Variants in TMTC2 observed in about 807,000 individuals in gnomAD.
The protein encoded by TMTC2 is transmembrane O-mannosyltransferase targeting cadherins 2, also known as protein O-mannosyl-transferase TMTC2.
In TMTC2, 43 loss-of-function variants were observed where a neutral mutation model predicts 82.4. The observed-to-expected ratio is 0.52, with a 90% CI of 0.41 to 0.67. TMTC2 has a LOEUF of 0.67. TMTC2 is among the 30% of genes least tolerant of loss of function. The pLI, the probability that TMTC2 is intolerant of heterozygous loss-of-function variation, is 0.00. For synonymous variants in TMTC2, 408 were observed against 381.9 expected (o/e 1.07, Z -0.80); for missense variants, 919 against 1,012.4 (o/e 0.91, Z 1.25).
At chr12:82,839,988 A>C (rs1465571394) in intron 1 of TMTC2, among the ~76,000 whole-genome samples, 1 of 152,102 alleles carries the variant, frequency 6.6e-6, no homozygotes, top group African/African-American at 2.4e-5. Context: ...GGGAGAGAGG[A>C]GCAAAGTCCT....
At chr12:82,952,743 G>C (rs138255616) in intron 4 of TMTC2, among the ~76,000 whole-genome samples, 20 of 152,016 alleles carry the variant, frequency 1.3e-4, no homozygotes, top group African/African-American at 4.8e-4. Context: ...TTGTTTGTTT[G>C]TTTGTTTTTA....
At chr12:82,840,329 AGT>A (rs142650542) in intron 1 of TMTC2, among the ~76,000 whole-genome samples, 3 of 152,356 alleles carry the variant, frequency 2.0e-5, no homozygotes, top group Non-Finnish European at 2.9e-5. Flanking sequence ...TGTTTAACAC[AGT>A]GTGGATTTGG....
chr12:82,766,180 T>G (rs1202922124), intron 1 of TMTC2, among the ~76,000 whole-genome samples: 2 of 152,228 alleles, frequency 1.3e-5, no homozygotes, highest in African/African-American at 2.4e-5. Flanking sequence ...ATGTTCAATA[T>G]CACCTCAGGG....
At chr12:82,942,092 G>A (rs118054359) in intron 4 of TMTC2, among the ~76,000 whole-genome samples, 2,634 of 152,246 alleles carry the variant, frequency 0.017, 53 homozygotes, top group Admixed American at 0.062. Flanking sequence ...AAAGGATTAA[G>A]TTCTCTTTTC....
intron 1 of TMTC2, among the ~76,000 whole-genome samples, chr12:82,761,559 A>T (rs1876633617): frequency 6.6e-6 from 1 of 152,140 alleles, no homozygotes; most frequent in Non-Finnish European, 1.5e-5. Flanking sequence ...GTGCACACAA[A>T]ACTCACATTT....
At position 82,857,541 on chromosome 12, in the gene TMTC2, C is replaced by G; in HGVS notation, c.615C>G (p.His205Gln). Residue 205 changes from histidine to glutamine, a missense_variant, in exon 2 of 12, where the codon CAC (histidine) becomes CAG (glutamine). Physicochemically the swap from His to Gln is conservative, Grantham distance 24. Coordinates refer to ENST00000321196, the MANE Select transcript of TMTC2 (RefSeq NM_152588.3). Reference sequence around the variant, plus strand: ...CAGTTTATGATGTCTTTGTCTTTCACAGGCTGAAAATAAAACAGATATTAC... The same window carrying G: ...CAGTTTATGATGTCTTTGTCTTTCAGAGGCTGAAAATAAAACAGATATTAC... ...VSAVYDVFVF[H>Q]RLKIKQILPT... The G allele has an allele frequency of 6.2e-7, 1 of 1,612,712 alleles. No individual in the cohort carries two copies. Among genetic ancestry groups the G allele is most frequent in the Non-Finnish European group, 8.5e-7 (1 of 1,179,550 alleles).
At chr12:82,845,252 A>AAATATATAT (rs1555190264) in intron 1 of TMTC2, among the ~76,000 whole-genome samples, 1 of 38,806 alleles carries the variant, frequency 2.6e-5, no homozygotes, top group African/African-American at 1.0e-4. Context: ...AAAAAAAAAA[A>AAATATATAT]ATATATATAT....
chr12:82,794,100 G>A (rs1419736160), intron 1 of TMTC2, among the ~76,000 whole-genome samples: 1 of 152,082 alleles, frequency 6.6e-6, no homozygotes, highest in Non-Finnish European at 1.5e-5. Context: ...ATTTGCCCAG[G>A]CTCTGTTGAT....
intron 8 of TMTC2, among the ~76,000 whole-genome samples, chr12:83,005,453 C>T (rs554136421): frequency 1.3e-5 from 2 of 152,028 alleles, no homozygotes; most frequent in Non-Finnish European, 2.9e-5. Flanking sequence ...AAGAGATGAC[C>T]CCCTTATCAT....
At chr12:83,077,124 A>AT (rs1199368390) in intron 11 of TMTC2, among the ~76,000 whole-genome samples, 1 of 152,176 alleles carries the variant, frequency 6.6e-6, no homozygotes, top group Non-Finnish European at 1.5e-5. Flanking sequence ...TTTATAGTGA[A>AT]AGAGTTCAGA....
chr12:82,823,211 C>T (rs7962683), intron 1 of TMTC2, among the ~76,000 whole-genome samples: 5,589 of 152,160 alleles, frequency 0.037, 325 homozygotes, highest in African/African-American at 0.13. Context: ...CTTTCTAAAA[C>T]GTATTCCATA....
At chr12:83,028,721 A>G (rs557344407) in intron 8 of TMTC2, among the ~76,000 whole-genome samples, 1 of 152,244 alleles carries the variant, frequency 6.6e-6, no homozygotes. Context: ...CTGCTTCCCT[A>G]GAATCTGTAC....
At chr12:82,828,042 G>C (rs550079577) in intron 1 of TMTC2, among the ~76,000 whole-genome samples, 20 of 150,686 alleles carry the variant, frequency 1.3e-4, no homozygotes, top group Middle Eastern at 3.4e-3. Flanking sequence ...ACAGGCATGC[G>C]CCACCATGCC....
intron 1 of TMTC2, among the ~76,000 whole-genome samples, chr12:82,793,307 A>G (rs949815980): frequency 6.6e-6 from 1 of 150,952 alleles, no homozygotes; most frequent in African/African-American, 2.4e-5. Context: ...TTTCATTTAC[A>G]TGTCCCATTT....
At chr12:83,018,219 T>G (rs1880765162) in intron 8 of TMTC2, among the ~76,000 whole-genome samples, 1 of 152,196 alleles carries the variant, frequency 6.6e-6, no homozygotes, top group African/African-American at 2.4e-5. Flanking sequence ...TTTCTAGCTC[T>G]CCTTTGTGAC....
intron 7 of TMTC2, among the ~76,000 whole-genome samples, chr12:82,975,662 G>A (rs1878633613): frequency 6.6e-6 from 1 of 152,020 alleles, no homozygotes; most frequent in African/African-American, 2.4e-5. Flanking sequence ...TGCCTATTAT[G>A]GAGATATAGT....
At position 82,779,437 on chromosome 12, in the gene TMTC2, T is replaced by G. The variant is rs1412707563; in HGVS notation, c.84-77573T>G. On this transcript the variant is annotated intron_variant, in intron 1 of 11. Transcript: ENST00000321196. ...TTATTATAACTAGAAACTTGATATT[T>G]GGGGCACAGCTGTACATTGTAAAAC... 2.0e-5 allele frequency among the ~76,000 whole-genome samples: 3 copies of G among 152,118 alleles called. No homozygotes were observed. The East Asian group carries it at 5.8e-4, about 29-fold the overall frequency.
intron 2 of TMTC2, among the ~76,000 whole-genome samples, chr12:82,867,856 A>G (rs1200169529): frequency 6.6e-6 from 1 of 152,192 alleles, no homozygotes; most frequent in Non-Finnish European, 1.5e-5. Context: ...TATATTTAAT[A>G]TTGTGAAAAG....
intron 2 of TMTC2, among the ~76,000 whole-genome samples, chr12:82,872,151 C>T (rs550961244): frequency 1.3e-5 from 2 of 152,170 alleles, no homozygotes; most frequent in East Asian, 3.9e-4. Context: ...GTTTGGAAGC[C>T]TCCCTGAGAC....
Sources: allele counts gnomAD v4.1 joint callset (sites outside exome capture counted in the v4.1 genomes callset), GRCh38; gene constraint gnomAD v4.1.1; transcripts MANE v1.5; gene names NCBI Gene and HGNC (gene_info 2026-07-23, HGNC 2026-07-21).